FBXO38: variants seen among roughly 807,000 people sequenced by gnomAD.
FBXO38 encodes F-box protein 38, also known as F-box only protein 38.
A neutral mutation model predicts 131.9 loss-of-function variants in FBXO38; 53 were observed. That is an observed-to-expected ratio of 0.40 (90% confidence interval 0.32 to 0.51). The LOEUF (loss-of-function observed/expected upper bound fraction) is 0.51, where lower values mean the gene tolerates loss of function less well. Ranked by LOEUF, FBXO38 falls within the 20% of genes least tolerant of loss-of-function variation. The pLI, the probability that FBXO38 is intolerant of heterozygous loss-of-function variation, is 0.53. For synonymous variants in FBXO38, 452 were observed against 505.6 expected (o/e 0.89, Z 1.42); for missense variants, 1,076 against 1,475.6 (o/e 0.73, Z 4.44).
chr5:148,397,101 T>C (rs1758520442), intron 2 of FBXO38, among the ~76,000 whole-genome samples: 1 of 152,204 alleles, frequency 6.6e-6, no homozygotes, highest in Non-Finnish European at 1.5e-5. Context: ...CAAACAATTT[T>C]GTTTCATTTT....
Position 148,440,519 on chromosome 5 carries a change from C to T in FBXO38, c.3266C>T (p.Thr1089Ile), listed in dbSNP as rs755305676. 6.3e-7 allele frequency: 1 copy of T among 1,581,514 alleles called. No individual in the cohort carries two copies. Among genetic ancestry groups the T allele is most frequent in the Non-Finnish European group, 8.7e-7 (1 of 1,151,678 alleles). The change falls in exon 20 of 22, where the codon ACT becomes ATT. Residue 1089 changes from threonine (T) to isoleucine (I), a missense_variant. Thr to Ile is a moderately conservative substitution (Grantham distance 89). Around this residue, in one of 8 missense-constraint regions of FBXO38, gnomAD observed 282 missense variants for 418.8 expected, o/e 0.67. Coordinates refer to ENST00000340253, the MANE Select transcript of FBXO38 (RefSeq NM_205836.3). ...PKYPWGREIY[T>I]LEGVVDGAPY... is the part of the protein sequence containing the mutation. Reference sequence around the variant, plus strand: ...TACCCCTGGGGGAGAGAAATCTATACTTTAGAAGGTGAGTATTTACAAATG... The same window carrying T: ...TACCCCTGGGGGAGAGAAATCTATATTTTAGAAGGTGAGTATTTACAAATG...
chr5:148,424,507 A>G (rs10042369), intron 13 of FBXO38, among the ~76,000 whole-genome samples: 41,238 of 152,078 alleles, frequency 0.27, 5,653 homozygotes, highest in African/African-American at 0.3. Flanking sequence ...TTAGTAAACA[A>G]ACCAAAACCT....
intron 2 of FBXO38, among the ~76,000 whole-genome samples, chr5:148,397,056 C>T (rs1208074948): frequency 2.6e-5 from 4 of 152,140 alleles, no homozygotes; most frequent in Non-Finnish European, 4.4e-5. Flanking sequence ...GAACCATGAA[C>T]TTAGTTCTTG....
At chr5:148,388,585 A>G (rs773889296) in intron 1 of FBXO38, among the ~76,000 whole-genome samples, 4 of 152,180 alleles carry the variant, frequency 2.6e-5, no homozygotes, top group African/African-American at 4.8e-5. Context: ...CTTTTCCGCT[A>G]TGGAGACAAC....
intron 14 of FBXO38, among the ~76,000 whole-genome samples, 196 bp from the exon 15 acceptor site, chr5:148,427,017 G>T (rs1753747182): frequency 6.6e-6 from 1 of 152,116 alleles, no homozygotes; most frequent in African/African-American, 2.4e-5. Flanking sequence ...CATAGCTAAG[G>T]AGTATAAACC....
At chr5:148,419,519 AAAT>A (rs1339433004) in intron 12 of FBXO38, among the ~76,000 whole-genome samples, 1 of 152,218 alleles carries the variant, frequency 6.6e-6, no homozygotes, top group East Asian at 1.9e-4. Context: ...CTTCAAGTGA[AAAT>A]AATAATTTTA....
rs372136290 is a variant in FBXO38 at position 148,427,906 on chromosome 5, C to T, written c.2612C>T (p.Ala871Val). The change falls in exon 15 of 22, where the codon GCC becomes GTC. Residue 871 changes from alanine (A) to valine (V), a missense_variant. By Grantham distance (64) the Ala-to-Val change is moderately conservative. Transcript: ENST00000340253. ...TACCCTCGGAGGCCCCTAACCAGGG[C>T]CAGGAGCAGACTGTCCCATGTACTG... is the stretch of plus-strand genomic sequence containing the variant. ...EDYPRRPLTR[A>V]RSRLSHVLLV... The T allele has an allele frequency of 6.5e-7, 1 of 1,536,658 alleles. No individual in the cohort carries two copies. Among genetic ancestry groups the T allele is most frequent in the Non-Finnish European group, 8.7e-7 (1 of 1,144,930 alleles).
At chr5:148,407,933 AAG>A (rs745540970) in intron 7 of FBXO38, among the ~76,000 whole-genome samples, 5 of 151,894 alleles carry the variant, frequency 3.3e-5, no homozygotes, top group African/African-American at 9.7e-5. Flanking sequence ...TCAAAAAAAA[AAG>A]AGAGAGAGAG....
In FBXO38 at chr5:148,394,718, T is replaced by G; in HGVS notation, c.-59T>G. ...TTCGTTCTGTTTGCTTTTCAGGTAC[T>G]TTGAACTCAAGTAAACAAAAGGGAA... On this transcript the variant is annotated 5_prime_UTR_variant, in exon 2 of 22. Transcript: ENST00000340253. 1 of 1,443,278 alleles carries G rather than the reference T, an allele frequency of 6.9e-7. No homozygotes were observed. Among genetic ancestry groups the G allele is most frequent in the African/African-American group, 1.5e-5 (1 of 68,618 alleles). The allele number at this position is 1,443,278 out of a possible 1,614,324, so 89.4% of individuals were successfully genotyped here.
At chr5:148,407,444 A>G (rs1439847804) in intron 7 of FBXO38, among the ~76,000 whole-genome samples, 1 of 152,254 alleles carries the variant, frequency 6.6e-6, no homozygotes, top group Non-Finnish European at 1.5e-5. Flanking sequence ...TCATAGATTC[A>G]GATGAGAACA....
Position 148,427,559 on chromosome 5 carries a change from T to C in FBXO38, c.2265T>C (p.Gly755=). Residue 755 remains glycine, a synonymous_variant, in exon 15 of 22, where the codon GGT becomes GGC. Coordinates refer to ENST00000340253, the MANE Select transcript of FBXO38 (RefSeq NM_205836.3). ...CCAGGCAGTGTGCCTGCTCCCCCGG[T>C]GGGTCAGAGGACTCTGAGGCCATGG... ...DVSRQCACSP[G]GSEDSEAMEE... 1 of 1,614,074 alleles carries C rather than the reference T, an allele frequency of 6.2e-7. No homozygotes were observed.
At chr5:148,394,432 G>A (rs1308710830) in intron 1 of FBXO38, among the ~76,000 whole-genome samples, 2 of 152,086 alleles carry the variant, frequency 1.3e-5, no homozygotes, top group Admixed American at 6.5e-5. Flanking sequence ...AAGCTAAGAA[G>A]CAACAGTACA....
Position 148,398,880 on chromosome 5 carries a change from G to A in FBXO38, c.129-119G>A, listed in dbSNP as rs1420812079. ...GTATGTGTGGTAGCTTTAAATCTCT[G>A]TCTTAAGATCTTATTTCATTTGAGT... On this transcript the variant is annotated intron_variant, in intron 2 of 21. Coordinates refer to ENST00000340253, the MANE Select transcript of FBXO38 (RefSeq NM_205836.3). 4.3e-6 allele frequency: 5 copies of A among 1,167,338 alleles called. No individual in the cohort carries two copies. The East Asian group carries it at 1.2e-4, about 28-fold the overall frequency. The allele number at this position is 1,167,338 out of a possible 1,614,324, so 72.3% of individuals were successfully genotyped here. A position where few individuals can be genotyped will look rare whatever the true frequency, so the allele number is the denominator to read the frequency against.
Position 148,394,909 on chromosome 5 carries a change from G to C in FBXO38, c.128+5G>C. On this transcript the variant is annotated splice_donor_5th_base_variant and intron_variant, in intron 2 of 21. Transcript: ENST00000340253. ...AGTACTTTGCCATATTTTTAGGTAA[G>C]ATTGTGTTTGGTTGGCTTACCTGCC... The C allele has an allele frequency of 1.3e-6, 2 of 1,569,864 alleles. No homozygotes were observed. Among genetic ancestry groups the C allele is most frequent in the Non-Finnish European group, 1.7e-6 (2 of 1,158,050 alleles).
chr5:148,397,766 C>T (rs1470080704), intron 2 of FBXO38: 1 of 152,132 alleles, frequency 6.6e-6, no homozygotes, highest in Non-Finnish European at 1.5e-5. Flanking sequence ...CCCTTTCTCC[C>T]TCTTACCTAG....
chr5:148,441,943 C>T (rs1754707899), intron 21 of FBXO38, 26 bp from the exon 22 acceptor site: 5 of 1,590,962 alleles, frequency 3.1e-6, no homozygotes, highest in Non-Finnish European at 4.3e-6. Flanking sequence ...TCATATGTAT[C>T]TCTCCTTTTA....
At chr5:148,440,284 T>C (rs1423025268) in intron 19 of FBXO38, 140 bp from the exon 20 acceptor site, 2 of 615,980 alleles carry the variant, frequency 3.2e-6, no homozygotes, top group Non-Finnish European at 5.9e-6. Context: ...GAGTGTATCC[T>C]ACTTCCGTTA....
At chr5:148,438,828 G>A (rs183954340) in intron 18 of FBXO38, among the ~76,000 whole-genome samples, 22 of 152,064 alleles carry the variant, frequency 1.4e-4, no homozygotes, top group Non-Finnish European at 3.2e-4. Context: ...GATATACCCA[G>A]GATTATTGTG....
chr5:148,390,034 A>C (rs1758119349), intron 1 of FBXO38: 1 of 135,384 alleles, frequency 7.4e-6, no homozygotes, highest in South Asian at 2.2e-4. Flanking sequence ...GTCTTAAAGA[A>C]AAAAAAAAAA....
Sources: allele counts gnomAD v4.1 joint callset (sites outside exome capture counted in the v4.1 genomes callset), GRCh38; gene constraint gnomAD v4.1.1; regional missense constraint gnomAD v4.1.1; transcripts MANE v1.5; gene names NCBI Gene and HGNC (gene_info 2026-07-23, HGNC 2026-07-21).